Variants in DDX60 observed in about 807,000 individuals in gnomAD.
The protein encoded by DDX60 is DExD/H-box helicase 60.
DDX60 carries 165 observed loss-of-function variants against 212.8 expected under a neutral mutation model. The observed-to-expected ratio is 0.78, with a 90% CI of 0.68 to 0.88. DDX60 has a LOEUF of 0.88. Ranked by LOEUF, DDX60 falls within the 40% of genes least tolerant of loss-of-function variation. The pLI is 0.00. For synonymous variants in DDX60, 703 were observed against 685.3 expected (o/e 1.03, Z -0.40); for missense variants, 1,905 against 2,003.9 (o/e 0.95, Z 0.94).
intron 13 of DDX60, 90 bp downstream of exon 13, chr4:168,283,356 A>T: frequency 8.9e-7 from 1 of 1,124,732 alleles, no homozygotes; most frequent in Admixed American, 2.5e-5. Context: ...AAGGCATTAT[A>T]TAAAAAGAAA....
Position 168,273,349 on chromosome 4 carries a change from T to G in DDX60, c.2504A>C (p.Asn835Thr), listed in dbSNP as rs755814423. ...AATVQNRFTK[N>T]LPSGEVLCGV... is the part of the protein sequence containing the mutation. ...ACAGAGAACTTCACCACTTGGCAGA[T>G]TTTTCGTAAAACGATTCTGAACAGT... The change falls in exon 18 of 38, where the codon AAT (asparagine) becomes ACT (threonine). Residue 835 changes from asparagine to threonine, a missense_variant. Physicochemically the swap from Asn to Thr is moderately conservative, Grantham distance 65. Coordinates refer to ENST00000393743, the MANE Select transcript of DDX60 (RefSeq NM_017631.6). The G allele has an allele frequency of 1.2e-5, 20 of 1,613,778 alleles. No individual in the cohort carries two copies. The highest frequency in any genetic ancestry group is 2.5e-6 in the Non-Finnish European group (3 of 1,179,892).
At chr4:168,291,316 T>C (rs1736091151) in intron 8 of DDX60, among the ~76,000 whole-genome samples, 1 of 152,194 alleles carries the variant, frequency 6.6e-6, no homozygotes, top group South Asian at 2.1e-4. Context: ...ATTAAAATGG[T>C]AGACCTCCGG....
intron 26 of DDX60, among the ~76,000 whole-genome samples, chr4:168,254,261 G>A (rs1019618928): frequency 1.3e-5 from 2 of 152,200 alleles, no homozygotes; most frequent in African/African-American, 4.8e-5. Context: ...GCAGATGGAA[G>A]AGGCCAGAGT....
Position 168,237,357 on chromosome 4 carries a change from G to T in DDX60, c.4340C>A (p.Pro1447His). The change falls in exon 32 of 38, where the codon CCT (proline) becomes CAT (histidine). Residue 1447 changes from proline (P) to histidine (H), a missense_variant. Coordinates refer to ENST00000393743, the MANE Select transcript of DDX60 (RefSeq NM_017631.6). ...GLVSHLHYHE[P>H]SNLVFVSFLV... ...AAAACTGACAAAAACAAGATTAGAA[G>T]GTTCATGATAATGCAAATGTGATAC... is the stretch of plus-strand genomic sequence containing the variant. The T allele has an allele frequency of 6.3e-7, 1 of 1,596,770 alleles. No individual in the cohort carries two copies. The highest frequency in any genetic ancestry group is 8.5e-7 in the Non-Finnish European group (1 of 1,171,880).
chr4:168,270,148 A>T (rs987993159), intron 19 of DDX60, among the ~76,000 whole-genome samples: 3 of 152,196 alleles, frequency 2.0e-5, no homozygotes, highest in African/African-American at 7.2e-5. Flanking sequence ...CTTAGACCTG[A>T]ATATTCTATT....
chr4:168,246,031 A>C (rs537146432), intron 30 of DDX60, among the ~76,000 whole-genome samples: 2 of 152,284 alleles, frequency 1.3e-5, no homozygotes, highest in South Asian at 4.1e-4. Flanking sequence ...TTTATGAAAC[A>C]CTTAAACCTT....
intron 7 of DDX60, among the ~76,000 whole-genome samples, chr4:168,292,863 T>G (rs1195867259): frequency 6.6e-6 from 1 of 152,232 alleles, no homozygotes; most frequent in Non-Finnish European, 1.5e-5. Context: ...GTATCATTTT[T>G]GTGAGAATGA....
intron 1 of DDX60, 70 bp from the exon 2 acceptor site, chr4:168,311,435 C>G: frequency 1.7e-6 from 1 of 587,130 alleles, no homozygotes; most frequent in African/African-American, 1.9e-5. Flanking sequence ...ATATGTAAAG[C>G]AAAATATTAG....
In DDX60 at chr4:168,287,112, T is replaced by C; in HGVS notation, c.1275A>G (p.Gly425=). The change falls in exon 10 of 38, where the codon GGA becomes GGG. Residue 425 remains glycine, a synonymous_variant. Coordinates refer to ENST00000393743, the MANE Select transcript of DDX60 (RefSeq NM_017631.6). Reference sequence around the variant, plus strand: ...TTGTTGTTCTCAGAGGAAATGGCTGTCCAACCTCAAAGTCTCTGACCAACT... The same window carrying C: ...TTGTTGTTCTCAGAGGAAATGGCTGCCCAACCTCAAAGTCTCTGACCAACT... The part of the protein sequence containing the change: ...VSKLVRDFEV[G]QPFPLRTTKV... 2 of 1,612,922 alleles carry C rather than the reference T, an allele frequency of 1.2e-6. No homozygotes were observed. Among genetic ancestry groups the C allele is most frequent in the African/African-American group, 1.3e-5 (1 of 75,018 alleles).
At chr4:168,246,249 G>A (rs12503021) in intron 30 of DDX60, among the ~76,000 whole-genome samples, 169 bp downstream of exon 30, 8,842 of 152,082 alleles carry the variant, frequency 0.058, 437 homozygotes, top group East Asian at 0.15. Context: ...AAACAAAACT[G>A]TTATTCTCCC....
In DDX60 at chr4:168,285,380, T is replaced by A. The variant is rs755509237; in HGVS notation, c.1445+13A>T. 6.7e-6 allele frequency: 10 copies of A among 1,498,434 alleles called. 1 individual carries two copies. The South Asian group carries it at 1.2e-4, about 17-fold the overall frequency. 92.8% of individuals were successfully genotyped at this position (1,498,434 alleles called of 1,614,324 possible). ...CACAAGTATTTATTGAGGCACAGTT[T>A]TTGGCCTTATACCTCTTTAGAAAAG... On this transcript the variant is annotated intron_variant, in intron 11 of 37. Coordinates refer to ENST00000393743, the MANE Select transcript of DDX60 (RefSeq NM_017631.6).
intron 19 of DDX60, among the ~76,000 whole-genome samples, chr4:168,270,215 G>A (rs1177855231): frequency 3.3e-5 from 5 of 152,212 alleles, no homozygotes. Context: ...TATCTGCTGA[G>A]TAAATGAACG....
chr4:168,309,211 AT>A (rs1352184366), intron 3 of DDX60, among the ~76,000 whole-genome samples: 2 of 152,106 alleles, frequency 1.3e-5, no homozygotes, highest in Non-Finnish European at 2.9e-5. Flanking sequence ...GTTCTTGCGT[AT>A]TTTTCCATCA....
upstream of DDX60, among the ~76,000 whole-genome samples, chr4:168,319,527 T>C (rs1043624387): frequency 6.6e-6 from 1 of 152,214 alleles, no homozygotes; most frequent in African/African-American, 2.4e-5. Flanking sequence ...GGTACTTTCA[T>C]GGGCCAAGAA....
rs906709061 is a variant in DDX60, at chr4:168,285,412, C to A, written c.1426G>T (p.Asp476Tyr). The A allele has an allele frequency of 1.2e-6, 2 of 1,610,184 alleles. No individual in the cohort carries two copies. Among genetic ancestry groups the A allele is most frequent in the African/African-American group, 2.7e-5 (2 of 74,898 alleles). Residue 476 changes from aspartate to tyrosine, a missense_variant, in exon 11 of 38, where the codon GAT becomes TAT. Transcript: ENST00000393743. The stretch of plus-strand genomic sequence containing the variant: ...TTATACCTCTTTAGAAAAGGCAAAT[C>A]TTTCAAAATATCTCCAGCAAATTTA... ...VDKFAGDILK[D>Y]LPFLKSDDPI...
intron 28 of DDX60, 102 bp downstream of exon 28, chr4:168,250,852 T>C: frequency 9.7e-7 from 1 of 1,026,192 alleles, no homozygotes; most frequent in Non-Finnish European, 1.4e-6. Flanking sequence ...GACAATTACA[T>C]GAGAAAAAAA....
In DDX60 at chr4:168,267,872, C is replaced by A. The variant is rs774048224; in HGVS notation, c.2898G>T (p.Leu966Phe). ...TAACTTTATACGATTGTTTTACTTG[C>A]AAGTAGTCTTTGGGAAAGCCGGCCT... ...GRQAGFPKDY[L>F]QVKQSYKVRL... The change falls in exon 21 of 38, where the codon TTG (leucine) becomes TTT (phenylalanine). Residue 966 changes from leucine (L) to phenylalanine (F), a missense_variant. Leu to Phe is a conservative substitution (Grantham distance 22, BLOSUM62 0). Coordinates refer to ENST00000393743, the MANE Select transcript of DDX60 (RefSeq NM_017631.6). 6.2e-7 allele frequency: 1 copy of A among 1,612,940 alleles called. No homozygotes were observed. The highest frequency in any genetic ancestry group is 2.2e-5 in the East Asian group (1 of 44,808).
intron 8 of DDX60, among the ~76,000 whole-genome samples, chr4:168,290,001 G>A (rs1389627211): frequency 1.3e-5 from 2 of 152,108 alleles, no homozygotes; most frequent in African/African-American, 4.8e-5. Flanking sequence ...AAATGCAAGT[G>A]CCACTCATCC....
At chr4:168,289,575 A>G (rs1360416734) in intron 8 of DDX60, among the ~76,000 whole-genome samples, 2 of 152,180 alleles carry the variant, frequency 1.3e-5, no homozygotes, top group African/African-American at 2.4e-5. Context: ...TCTCCAGCCC[A>G]TTCCACCCTT....
Sources: gnomAD v4.1 joint callset for allele counts (sites outside exome capture counted in the v4.1 genomes callset) on GRCh38, gnomAD v4.1.1 for gene constraint, MANE v1.5 for transcripts, NCBI Gene and HGNC (gene_info 2026-07-23, HGNC 2026-07-21) for gene names.